Variants in KCNJ6 observed in about 807,000 individuals in gnomAD.
The protein encoded by KCNJ6 is potassium inwardly rectifying channel subfamily J member 6.
KCNJ6 carries 9 observed loss-of-function variants against 34.2 expected under a neutral mutation model. The observed-to-expected ratio is 0.26, with a 90% CI of 0.16 to 0.46. The LOEUF (loss-of-function observed/expected upper bound fraction) is 0.46. KCNJ6 is among the 20% of genes least tolerant of loss of function. The probability of loss-of-function intolerance (pLI) is 1.00; values close to 1 mark genes in which losing one functional copy is unlikely to be tolerated. For synonymous variants in KCNJ6, 196 were observed against 207.1 expected, an observed-to-expected ratio of 0.95 and a Z score of 0.46; for missense variants, 236 against 531.3, an observed-to-expected ratio of 0.44 and a Z score of 5.46.
chr21:37,625,704 G>A (rs2054307784), intron 3 of KCNJ6, among the ~76,000 whole-genome samples: 1 of 152,210 alleles, frequency 6.6e-6, no homozygotes, highest in Non-Finnish European at 1.5e-5. Context: ...AGAGAGTCCT[G>A]GCCCACATCA....
intron 3 of KCNJ6, among the ~76,000 whole-genome samples, chr21:37,694,430 T>C (rs2054654844): frequency 6.6e-6 from 1 of 152,208 alleles, no homozygotes; most frequent in African/African-American, 2.4e-5. Context: ...CAATACTGCC[T>C]GACTGTGGAA....
rs2054247733 is a variant in KCNJ6, at chr21:37,612,807, C to T, written c.*12352G>A. The T allele has an allele frequency of 6.7e-6, 1 of 149,008 alleles. No individual in the cohort carries two copies. Among genetic ancestry groups the T allele is most frequent in the African/African-American group, 2.5e-5 (1 of 40,520 alleles). 9.2% of individuals were successfully genotyped at this position (149,008 alleles called of 1,614,324 possible). On this transcript the variant is annotated 3_prime_UTR_variant, in exon 4 of 4. Transcript: ENST00000609713. ...AATTAACTCAAAATCGGTCACAGAT[C>T]TAATGTAAAATGCAAAACTATACAA... is the stretch of plus-strand genomic sequence containing the variant.
At chr21:37,845,064 T>C (rs2055499725) in intron 1 of KCNJ6, among the ~76,000 whole-genome samples, 1 of 152,192 alleles carries the variant, frequency 6.6e-6, no homozygotes, top group African/African-American at 2.4e-5. Flanking sequence ...TGCTGTTTTC[T>C]GCCCCGTCCC....
intron 3 of KCNJ6, among the ~76,000 whole-genome samples, chr21:37,711,560 C>T (rs893169173): frequency 6.6e-6 from 1 of 152,312 alleles, no homozygotes; most frequent in East Asian, 1.9e-4. Context: ...TTGTTTTCCT[C>T]GAGTGTGCAT....
chr21:37,623,645 C>A lies in KCNJ6; in HGVS notation c.*1514G>T. ...TCCTCCCTCCCTTCCTCCCTTCTTT[C>A]CTTTTTGCAGATTAAAGTGAATTAA... On this transcript the variant is annotated 3_prime_UTR_variant, in exon 4 of 4. Transcript: ENST00000609713. 6.6e-6 allele frequency: 1 copy of A among 152,264 alleles called. No individual in the cohort carries two copies. 9.4% of individuals were successfully genotyped at this position (152,264 alleles called of 1,614,324 possible). A position where few individuals can be genotyped will look rare whatever the true frequency, so the allele number is the denominator to read the frequency against.
intron 2 of KCNJ6, among the ~76,000 whole-genome samples, chr21:37,834,816 G>T (rs1385388573): frequency 6.6e-6 from 1 of 152,186 alleles, no homozygotes; most frequent in African/African-American, 2.4e-5. Flanking sequence ...CCCTCACAGA[G>T]CAGGTCCTTG....
At position 37,612,292 on chromosome 21, in the gene KCNJ6, T is replaced by C. The variant is rs140721478; in HGVS notation, c.*12867A>G. On this transcript the variant is annotated 3_prime_UTR_variant, in exon 4 of 4. Coordinates refer to ENST00000609713, the MANE Select transcript of KCNJ6 (RefSeq NM_002240.5). ...CCCTTGAAATGAAGTACTTAAGGTA[T>C]AAATCTAACAATATGTATAAGATCT... 3.9e-5 allele frequency: 6 copies of C among 152,308 alleles called. 1 individual carries two copies. In the East Asian group the frequency reaches 7.7e-4, roughly 20 times the overall value. The allele number at this position is 152,308 out of a possible 1,614,324, so 9.4% of individuals were successfully genotyped here. A position where few individuals can be genotyped will look rare whatever the true frequency, so the allele number is the denominator to read the frequency against.
At chr21:37,642,978 T>C (rs961769882) in intron 3 of KCNJ6, among the ~76,000 whole-genome samples, 1 of 152,198 alleles carries the variant, frequency 6.6e-6, no homozygotes, top group African/African-American at 2.4e-5. Context: ...TAAACATCTA[T>C]GTCAATGGAC....
At chr21:37,800,959 G>A (rs535766975) in intron 2 of KCNJ6, among the ~76,000 whole-genome samples, 36 of 152,344 alleles carry the variant, frequency 2.4e-4, no homozygotes, top group Non-Finnish European at 3.5e-4. Context: ...TGCCTCTGCG[G>A]AGGTTGATGA....
intron 2 of KCNJ6, among the ~76,000 whole-genome samples, chr21:37,762,975 A>G (rs1005552953): frequency 6.6e-6 from 1 of 152,190 alleles, no homozygotes; most frequent in Non-Finnish European, 1.5e-5. Context: ...TTCTTCACAC[A>G]GATGCTACTG....
At chr21:37,690,801 A>T (rs1180061867) in intron 3 of KCNJ6, among the ~76,000 whole-genome samples, 63 of 139,218 alleles carry the variant, frequency 4.5e-4, no homozygotes, top group African/African-American at 1.6e-3. Context: ...TTTTTTTGAG[A>T]TAGAGTCTTG....
rs1390086320 is a variant in KCNJ6, at chr21:37,625,121, G to T, written c.*38C>A. ...AGAATGAGAGACAAGGAAAGATTGT[G>T]TTGGGGGGAGAAGAGAAGGGTTTGC... On this transcript the variant is annotated 3_prime_UTR_variant, in exon 4 of 4. Coordinates refer to ENST00000609713, the MANE Select transcript of KCNJ6 (RefSeq NM_002240.5). 3 of 1,366,012 alleles carry T rather than the reference G, an allele frequency of 2.2e-6. No individual in the cohort carries two copies. Among genetic ancestry groups the T allele is most frequent in the Non-Finnish European group, 2.1e-6 (2 of 964,690 alleles). The allele number at this position is 1,366,012 out of a possible 1,614,324, so 84.6% of individuals were successfully genotyped here.
At chr21:37,765,477 C>A (rs2055086349) in intron 2 of KCNJ6, among the ~76,000 whole-genome samples, 1 of 152,134 alleles carries the variant, frequency 6.6e-6, no homozygotes, top group South Asian at 2.1e-4. Flanking sequence ...GGGTGGAGGC[C>A]AGGGAGGCTG....
intron 2 of KCNJ6, among the ~76,000 whole-genome samples, chr21:37,815,737 G>C (rs563749051): frequency 2.6e-5 from 4 of 152,208 alleles, no homozygotes; most frequent in South Asian, 4.1e-4. Context: ...GCTCAGACTC[G>C]AAGGAGCAGG....
chr21:37,786,364 T>A (rs1174172019), intron 2 of KCNJ6, among the ~76,000 whole-genome samples: 1 of 152,220 alleles, frequency 6.6e-6, no homozygotes, highest in East Asian at 1.9e-4. Context: ...TGCTTCTTCC[T>A]GTTGGGGCAT....
intron 2 of KCNJ6, among the ~76,000 whole-genome samples, chr21:37,763,435 G>C (rs575847470): frequency 6.6e-6 from 1 of 152,072 alleles, no homozygotes; most frequent in African/African-American, 2.4e-5. Context: ...CACAGAGCTC[G>C]GCCCTTCCCC....
intron 3 of KCNJ6, among the ~76,000 whole-genome samples, chr21:37,681,066 T>C (rs1395263517): frequency 6.6e-6 from 1 of 152,234 alleles, no homozygotes; most frequent in East Asian, 1.9e-4. Context: ...CTGAGGATCA[T>C]GTTGGTTGTG....
chr21:37,762,918 C>A (rs906382860), intron 2 of KCNJ6, among the ~76,000 whole-genome samples: 2 of 152,190 alleles, frequency 1.3e-5, no homozygotes, highest in Non-Finnish European at 2.9e-5. Flanking sequence ...TAAGAATCAG[C>A]GACTGAGAAT....
intron 3 of KCNJ6, among the ~76,000 whole-genome samples, chr21:37,681,342 GA>G (rs1487293928): frequency 6.6e-6 from 1 of 152,240 alleles, no homozygotes; most frequent in African/African-American, 2.4e-5. Context: ...TGTAGGCAGG[GA>G]TAATGAAAGA....
Sources: gnomAD v4.1 joint callset for allele counts (sites outside exome capture counted in the v4.1 genomes callset) on GRCh38, gnomAD v4.1.1 for gene constraint, MANE v1.5 for transcripts, NCBI Gene and HGNC (gene_info 2026-07-23, HGNC 2026-07-21) for gene names.